Variants in NUP155 observed in about 807,000 individuals in gnomAD.
NUP155 encodes the protein nuclear pore complex protein Nup155.
Under a neutral mutation model 180.4 loss-of-function variants are expected in NUP155, and 71 were observed. The observed-to-expected ratio is 0.39, with a 90% CI of 0.33 to 0.48. The LOEUF is 0.48. Ranked by LOEUF, NUP155 falls within the 20% of genes least tolerant of loss-of-function variation. The pLI is 0.91. For missense variants in NUP155, 1,553 were observed against 1,648.9 expected (o/e 0.94, Z 1.01); for synonymous variants, 582 against 559.5 (o/e 1.04, Z -0.57).
chr5:37,298,274 A>G (rs920670797), intron 32 of NUP155, among the ~76,000 whole-genome samples: 1 of 151,664 alleles, frequency 6.6e-6, no homozygotes, highest in African/African-American at 2.4e-5. Flanking sequence ...GAGGATTTTC[A>G]TGTCTCTCAA....
At chr5:37,362,104 TTC>T (rs1395697247) in intron 3 of NUP155, among the ~76,000 whole-genome samples, 1 of 152,168 alleles carries the variant, frequency 6.6e-6, no homozygotes, top group Non-Finnish European at 1.5e-5. Flanking sequence ...GGCTATGGTA[TTC>T]TGTTTTAGCA....
intron 18 of NUP155, 114 bp downstream of exon 18, chr5:37,327,515 C>T (rs536993931): frequency 8.3e-7 from 1 of 1,200,570 alleles, no homozygotes; most frequent in East Asian, 2.4e-5. Flanking sequence ...AACAAGTGAG[C>T]TAAAACTAAA....
At chr5:37,351,987 C>T (rs1746495997) in intron 5 of NUP155, among the ~76,000 whole-genome samples, 1 of 151,950 alleles carries the variant, frequency 6.6e-6, no homozygotes, top group African/African-American at 2.4e-5. Context: ...CTTTGGGAGG[C>T]CCAGGTGGGC....
At chr5:37,358,893 T>A (rs956363532) in intron 3 of NUP155, among the ~76,000 whole-genome samples, 6 of 152,078 alleles carry the variant, frequency 3.9e-5, no homozygotes, top group African/African-American at 1.4e-4. Context: ...GGCGCACGCC[T>A]GTGGTCCCAG....
chr5:37,363,685 A>C (rs1413223132), intron 3 of NUP155, among the ~76,000 whole-genome samples: 1 of 152,206 alleles, frequency 6.6e-6, no homozygotes, highest in Non-Finnish European at 1.5e-5. Context: ...GCTTGTTAGA[A>C]ATGCAGACTC....
At chr5:37,348,972 T>G (rs1366459922) in intron 8 of NUP155, among the ~76,000 whole-genome samples, 200 bp downstream of exon 8, 1 of 151,852 alleles carries the variant, frequency 6.6e-6, no homozygotes, top group East Asian at 1.9e-4. Flanking sequence ...GCTAGACTGG[T>G]CTCAAACTCC....
At chr5:37,338,095 T>C (rs1745464490) in intron 11 of NUP155, among the ~76,000 whole-genome samples, 177 bp from the exon 12 acceptor site, 3 of 151,772 alleles carry the variant, frequency 2.0e-5, no homozygotes, top group Admixed American at 2.0e-4. Context: ...ATGAGGTGGG[T>C]GGATCACGAG....
chr5:37,316,908 A>G (rs1179861009), intron 21 of NUP155, among the ~76,000 whole-genome samples: 1 of 150,096 alleles, frequency 6.7e-6, no homozygotes, highest in Non-Finnish European at 1.5e-5. Flanking sequence ...CTTGCCTGTA[A>G]TCCCAGCACT....
intron 20 of NUP155, among the ~76,000 whole-genome samples, chr5:37,323,266 C>CA (rs1451188838): frequency 1.3e-5 from 2 of 152,166 alleles, no homozygotes; most frequent in East Asian, 3.8e-4. Flanking sequence ...GCACGGGTGA[C>CA]AGAGCAAGAG....
At chr5:37,308,989 A>G in intron 24 of NUP155, 140 bp downstream of exon 24, 4 of 757,984 alleles carry the variant, frequency 5.3e-6, no homozygotes, top group Non-Finnish European at 9.0e-6. Flanking sequence ...CCACATTCCT[A>G]CGTCCTTTCA....
chr5:37,355,779 T>C (rs112216085), intron 4 of NUP155, among the ~76,000 whole-genome samples: 2 of 151,754 alleles, frequency 1.3e-5, no homozygotes, highest in Non-Finnish European at 2.9e-5. Flanking sequence ...GGGGTTTCAC[T>C]GTGTTAGTCA....
At chr5:37,303,517 G>T in intron 27 of NUP155, 103 bp from the exon 28 acceptor site, 2 of 993,790 alleles carry the variant, frequency 2.0e-6, no homozygotes, top group Admixed American at 2.2e-5. Flanking sequence ...ACTTTGCCTT[G>T]TTTTATGAAA....
At chr5:37,367,068 C>A (rs1179964293) in intron 1 of NUP155, among the ~76,000 whole-genome samples, 1 of 149,978 alleles carries the variant, frequency 6.7e-6, no homozygotes, top group Non-Finnish European at 1.5e-5. Context: ...TTTCCTGAGA[C>A]GGGGTTTCAC....
chr5:37,347,844 T>C (rs1746198311), intron 9 of NUP155, among the ~76,000 whole-genome samples: 1 of 150,144 alleles, frequency 6.7e-6, no homozygotes, highest in South Asian at 2.1e-4. Context: ...CTACTAAAAA[T>C]ACAAAAATTA....
chr5:37,322,003 G>GT (rs1744277086), intron 20 of NUP155, among the ~76,000 whole-genome samples: 1 of 151,822 alleles, frequency 6.6e-6, no homozygotes, highest in Non-Finnish European at 1.5e-5. Context: ...TTACAGGCAT[G>GT]TGCCACCACA....
At chr5:37,297,242 T>A (rs543156018) in intron 32 of NUP155, among the ~76,000 whole-genome samples, 20 of 152,210 alleles carry the variant, frequency 1.3e-4, no homozygotes, top group Middle Eastern at 3.4e-3. Context: ...GGTCTCAAAC[T>A]CCTGGCTTCA....
intron 32 of NUP155, among the ~76,000 whole-genome samples, chr5:37,294,715 G>A (rs1317949686): frequency 6.6e-6 from 1 of 151,894 alleles, no homozygotes; most frequent in Non-Finnish European, 1.5e-5. Context: ...CAAGTAAGCT[G>A]GGGCTACAAG....
At chr5:37,323,318 G>T (rs1357954178) in intron 20 of NUP155, among the ~76,000 whole-genome samples, 1 of 152,116 alleles carries the variant, frequency 6.6e-6, no homozygotes, top group Non-Finnish European at 1.5e-5. Flanking sequence ...GTACAGGAAT[G>T]CTCATATCAG....
intron 20 of NUP155, among the ~76,000 whole-genome samples, chr5:37,322,758 T>C (rs1378061681): frequency 1.4e-5 from 2 of 142,800 alleles, no homozygotes; most frequent in Non-Finnish European, 3.0e-5. Flanking sequence ...CACCTGAAGG[T>C]GGTCAGGAGT....
Sources: allele counts gnomAD v4.1 joint callset (sites outside exome capture counted in the v4.1 genomes callset), GRCh38; gene constraint gnomAD v4.1.1; transcripts MANE v1.5; gene names NCBI Gene and HGNC (gene_info 2026-07-23, HGNC 2026-07-21).